ATP4A: variants seen among roughly 807,000 people sequenced by gnomAD.
The protein encoded by ATP4A is potassium-transporting ATPase alpha chain 1.
Under a neutral mutation model 112.1 loss-of-function variants are expected in ATP4A, and 73 were observed. The observed-to-expected ratio is 0.65, with a 90% CI of 0.54 to 0.79. The LOEUF is 0.79. ATP4A is among the 30% of genes least tolerant of loss of function. ATP4A has a pLI of 0.00. For missense variants in ATP4A, 1,081 were observed against 1,425.9 expected (o/e 0.76, Z 3.90); for synonymous variants, 588 against 588.9 (o/e 1.00, Z 0.02).
At position 35,550,840 on chromosome 19, in the gene ATP4A, G is replaced by A; in HGVS notation, c.3073C>T (p.Pro1025Ser). 1 of 1,614,048 alleles carries A rather than the reference G, an allele frequency of 6.2e-7. No individual in the cohort carries two copies. The highest frequency in any genetic ancestry group is 1.1e-5 in the South Asian group (1 of 91,080). The change falls in exon 21 of 22, where the codon CCA (proline) becomes TCA (serine). Residue 1025 changes from proline to serine, a missense_variant. Transcript: ENST00000262623. The surrounding 1 kb of genome is among the most constrained non-coding windows in gnomAD (Gnocchi z 4.1). The stretch of plus-strand genomic sequence containing the variant: ...TCCCAGTCTCCACACTCACTCCCTG[G>A]GCAACAGCGAACTCCAAGCTTCCGG... Reference protein sequence around the residue: ...EIRKLGVRCCPGSWWDQELYY With the variant: ...EIRKLGVRCCSGSWWDQELYY
chr19:35,550,580 G>A lies in ATP4A; in HGVS notation c.*35C>T. 1 of 1,613,160 alleles carries A rather than the reference G, an allele frequency of 6.2e-7. No homozygotes were observed. Among genetic ancestry groups the A allele is most frequent in the Non-Finnish European group, 8.5e-7 (1 of 1,179,210 alleles). On this transcript the variant is annotated 3_prime_UTR_variant, in exon 22 of 22. Transcript: ENST00000262623. The surrounding 1 kb of genome is among the most constrained non-coding windows in gnomAD (Gnocchi z 4.1). ...CACGAGCCCTGCCCCCACCTGCTGTGGCAGTTGCAGGGATGCTTGAAGGCA... is the reference window on the plus strand; with the variant it reads ...CACGAGCCCTGCCCCCACCTGCTGTAGCAGTTGCAGGGATGCTTGAAGGCA...
rs1261102061 is a variant in ATP4A at position 35,555,514 on chromosome 19, T to C, written c.2083A>G (p.Thr695Ala). The stretch of plus-strand genomic sequence containing the variant: ...CGCGCAAACACCATCTCGGGGTGGG[T>C]GCGCAGGGCCTCGACCAGTTCCGAT... ...DPSELVEALR[T>A]HPEMVFARTS... Residue 695 changes from threonine to alanine, a missense_variant, in exon 14 of 22, where the codon ACC becomes GCC. Coordinates refer to ENST00000262623, the MANE Select transcript of ATP4A (RefSeq NM_000704.3). The surrounding 1 kb of genome is among the most constrained non-coding windows in gnomAD (Gnocchi z 6.6). The C allele has an allele frequency of 6.2e-7, 1 of 1,606,832 alleles. No individual in the cohort carries two copies.
Position 35,560,146 on chromosome 19 carries a change from G to A in ATP4A, c.788-73C>T. The A allele has an allele frequency of 1.3e-6, 2 of 1,579,862 alleles. No individual in the cohort carries two copies. Among genetic ancestry groups the A allele is most frequent in the Non-Finnish European group, 1.7e-6 (2 of 1,160,506 alleles). ...GTGTGCACTGCCGTGTGAGCTGAAG[G>A]ACAGCCAGTCACTGCCAGTGGAGGA... On this transcript the variant is annotated intron_variant, in intron 6 of 21. Coordinates refer to ENST00000262623, the MANE Select transcript of ATP4A (RefSeq NM_000704.3). The surrounding 1 kb of genome is among the most constrained non-coding windows in gnomAD (Gnocchi z 5.1).
At chr19:35,562,745 G>T (rs1466007367) in intron 3 of ATP4A, 107 bp from the exon 4 acceptor site, 4 of 1,120,990 alleles carry the variant, frequency 3.6e-6, no homozygotes, top group Middle Eastern at 6.0e-4. Context: ...GGTCTGTCCT[G>T]CTCCTTCTCA....
At chr19:35,556,433 C>T (rs775902631) in intron 12 of ATP4A, among the ~76,000 whole-genome samples, 1 of 152,178 alleles carries the variant, frequency 6.6e-6, no homozygotes, top group Admixed American at 6.5e-5. Flanking sequence ...CACTCCTCTC[C>T]CCTACACCAT....
At chr19:35,554,747 G>C (rs1031170920) in intron 16 of ATP4A, among the ~76,000 whole-genome samples, 175 bp downstream of exon 16, 1 of 151,728 alleles carries the variant, frequency 6.6e-6, no homozygotes, top group Non-Finnish European at 1.5e-5. Flanking sequence ...TGTCCATTTA[G>C]GTCTGTTCAC....
At chr19:35,563,335 G>A in intron 2 of ATP4A, 49 bp downstream of exon 2, 1 of 1,609,034 alleles carries the variant, frequency 6.2e-7, no homozygotes, top group African/African-American at 1.4e-5. Flanking sequence ...CCCACTGCCT[G>A]GTTCCCAGCC....
Position 35,558,805 on chromosome 19 carries a change from C to G in ATP4A, c.1256-119G>C. ...CCCCAGACCTGGGTGGAATTGGGTTCCACCCAACCCTGAGGGACCCAGCCC... is the reference window on the plus strand; with the variant it reads ...CCCCAGACCTGGGTGGAATTGGGTTGCACCCAACCCTGAGGGACCCAGCCC... On this transcript the variant is annotated intron_variant, in intron 8 of 21. Transcript: ENST00000262623. This position sits in a 1 kb window ranked among gnomAD's most constrained non-coding sequence, Gnocchi z 5.1. 2 of 1,281,182 alleles carry G rather than the reference C, an allele frequency of 1.6e-6. No individual in the cohort carries two copies. The highest frequency in any genetic ancestry group is 2.1e-6 in the Non-Finnish European group (2 of 944,620). 79.4% of individuals were successfully genotyped at this position (1,281,182 alleles called of 1,614,324 possible). A position where few individuals can be genotyped will look rare whatever the true frequency, so the allele number is the denominator to read the frequency against.
In ATP4A at chr19:35,559,907, A is replaced by G; in HGVS notation, c.954T>C (p.Phe318=). ...GLAILFGATF[F]IVAMCIGYTF... ...TGTAGCCAATGCACATGGCCACAAT[A>G]AAAAATGTGGCACCGAAGAGAATGG... The change falls in exon 7 of 22, where the codon TTT becomes TTC. Residue 318 remains phenylalanine (F), a synonymous_variant. Coordinates refer to ENST00000262623, the MANE Select transcript of ATP4A (RefSeq NM_000704.3). The surrounding 1 kb of genome is among the most constrained non-coding windows in gnomAD (Gnocchi z 4.1). 6.2e-7 allele frequency: 1 copy of G among 1,614,184 alleles called. No individual in the cohort carries two copies. The highest frequency in any genetic ancestry group is 8.5e-7 in the Non-Finnish European group (1 of 1,180,024).
Position 35,559,724 on chromosome 19 carries a change from G to A in ATP4A, c.1056+81C>T. On this transcript the variant is annotated intron_variant, in intron 7 of 21. Transcript: ENST00000262623. This position sits in a 1 kb window ranked among gnomAD's most constrained non-coding sequence, Gnocchi z 4.1. ...AGTGGACAGATAGACAGGCAGGGAG[G>A]TGATGGGGGAAATGTGGAGGAAAGA... The A allele has an allele frequency of 6.5e-7, 1 of 1,540,940 alleles. No homozygotes were observed. Among genetic ancestry groups the A allele is most frequent in the Non-Finnish European group, 8.8e-7 (1 of 1,139,672 alleles).
chr19:35,558,291 T>C lies in ATP4A; in HGVS notation c.1500+71A>G. On this transcript the variant is annotated intron_variant, in intron 10 of 21. Coordinates refer to ENST00000262623, the MANE Select transcript of ATP4A (RefSeq NM_000704.3). The surrounding 1 kb of genome is among the most constrained non-coding windows in gnomAD (Gnocchi z 5.1). ...AGGAGCGAAGCCCCTCGTGGCCCGCTGATGTGGGTGTGGCCTGGGGCGGGG... is the reference window on the plus strand; with the variant it reads ...AGGAGCGAAGCCCCTCGTGGCCCGCCGATGTGGGTGTGGCCTGGGGCGGGG... 1.3e-6 allele frequency: 2 copies of C among 1,526,146 alleles called. 1 individual carries two copies. Among genetic ancestry groups the C allele is most frequent in the South Asian group, 2.4e-5 (2 of 82,730 alleles). The allele number at this position is 1,526,146 out of a possible 1,614,324, so 94.5% of individuals were successfully genotyped here.
In ATP4A at chr19:35,553,075, G is replaced by A. The variant is rs150321750; in HGVS notation, c.2713C>T (p.His905Tyr). ...TAGCTGTCCTGCAGATCTTGTAGGT[G>A]GTGGTCCTCCCACTGCGCCCGCAGC... ...VGLRAQWEDH[H>Y]LQDLQDSYGQ... The change falls in exon 18 of 22, where the codon CAC becomes TAC. Residue 905 changes from histidine (H) to tyrosine (Y), a missense_variant. Coordinates refer to ENST00000262623, the MANE Select transcript of ATP4A (RefSeq NM_000704.3). 12 of 1,610,606 alleles carry A rather than the reference G, an allele frequency of 7.5e-6. No homozygotes were observed. In the Admixed American group the frequency reaches 2.0e-4, roughly 27 times the overall value.
intron 16 of ATP4A, among the ~76,000 whole-genome samples, chr19:35,554,440 T>C (rs146106478): frequency 1.3e-5 from 2 of 152,254 alleles, no homozygotes; most frequent in Non-Finnish European, 2.9e-5. Context: ...GAAATGATGG[T>C]GTGTCTGGCC....
In ATP4A at chr19:35,557,360, G is replaced by A. The variant is rs1320476443; in HGVS notation, c.1694-272C>T. Reference sequence around the variant, plus strand: ...GTAAAAGGCCCAGAATTGGACCACAGATCTGCTTTCTAGGGTAGAGGCAGC... The same window carrying A: ...GTAAAAGGCCCAGAATTGGACCACAAATCTGCTTTCTAGGGTAGAGGCAGC... On this transcript the variant is annotated intron_variant, in intron 11 of 21. Transcript: ENST00000262623. The surrounding 1 kb of genome is among the most constrained non-coding windows in gnomAD (Gnocchi z 4.4). Among the ~76,000 whole-genome samples, 1 of 152,208 alleles carries A rather than the reference G, an allele frequency of 6.6e-6. No individual in the cohort carries two copies. Among genetic ancestry groups the A allele is most frequent in the Non-Finnish European group, 1.5e-5 (1 of 68,044 alleles).
In ATP4A at chr19:35,559,045, A is replaced by G. The variant is rs1247484824; in HGVS notation, c.1203T>C (p.His401=). Residue 401 remains histidine (H), a synonymous_variant, in exon 8 of 22, where the codon CAT becomes CAC. Coordinates refer to ENST00000262623, the MANE Select transcript of ATP4A (RefSeq NM_000704.3). The surrounding 1 kb of genome is among the most constrained non-coding windows in gnomAD (Gnocchi z 4.1). ...TLTQNRMTVS[H]LWFDNHIHTA... is the part of the protein sequence containing the mutation. ...TGTGGATGTGGTTGTCAAACCACAG[A>G]TGGGACACAGTCATGCGGTTCTGAG... 2 of 1,614,188 alleles carry G rather than the reference A, an allele frequency of 1.2e-6. No homozygotes were observed. Among genetic ancestry groups the G allele is most frequent in the South Asian group, 1.1e-5 (1 of 91,084 alleles).
At chr19:35,562,119 G>A (rs2071674405) in intron 4 of ATP4A, among the ~76,000 whole-genome samples, 1 of 152,034 alleles carries the variant, frequency 6.6e-6, no homozygotes, top group African/African-American at 2.4e-5. Flanking sequence ...GCCTCCCAAA[G>A]TGCTGGGATT....
Position 35,555,864 on chromosome 19 carries a change from C to T in ATP4A, c.1870-52G>A, listed in dbSNP as rs753419217. Reference sequence around the variant, plus strand: ...ACCCCTTCAGATCAGCCCAATCTCCCTGTCCTCCCTGGGAGACATCTGCTG... The same window carrying T: ...ACCCCTTCAGATCAGCCCAATCTCCTTGTCCTCCCTGGGAGACATCTGCTG... On this transcript the variant is annotated intron_variant, in intron 12 of 21. Coordinates refer to ENST00000262623, the MANE Select transcript of ATP4A (RefSeq NM_000704.3). This position sits in a 1 kb window ranked among gnomAD's most constrained non-coding sequence, Gnocchi z 6.6. 5.1e-6 allele frequency: 8 copies of T among 1,554,612 alleles called. No individual in the cohort carries two copies. The highest frequency in any genetic ancestry group is 1.7e-4 in the Middle Eastern group (1 of 5,864).
chr19:35,558,476 T>C lies in ATP4A; in HGVS notation c.1386A>G (p.Ala462=). The C allele has an allele frequency of 1.3e-6, 2 of 1,598,876 alleles. No homozygotes were observed. The highest frequency in any genetic ancestry group is 2.7e-5 in the African/African-American group (2 of 74,892). ...PVPKRIVIGD[A]SETALLKFSE... The stretch of plus-strand genomic sequence containing the variant: ...AGAACTTGAGCAGCGCCGTCTCCGA[T>C]GCGTCTCCAATCACGATGCGCTGGG... Residue 462 remains alanine (A), a synonymous_variant, in exon 10 of 22, where the codon GCA becomes GCG. Transcript: ENST00000262623. The surrounding 1 kb of genome is among the most constrained non-coding windows in gnomAD (Gnocchi z 5.1).
rs746948862 is a variant in ATP4A at position 35,560,066 on chromosome 19, C to T, written c.795G>A (p.Val265=). The change falls in exon 7 of 22, where the codon GTG becomes GTA. Residue 265 remains valine, a synonymous_variant. Coordinates refer to ENST00000262623, the MANE Select transcript of ATP4A (RefSeq NM_000704.3). The surrounding 1 kb of genome is among the most constrained non-coding windows in gnomAD (Gnocchi z 5.1). The part of the protein sequence containing the change: ...FFSTMCLEGT[V]QGLVVNTGDR... The stretch of plus-strand genomic sequence containing the variant: ...CGCCCGTGTTCACCACCAGGCCCTG[C>T]ACGGTGCCTGCAGGGGGGCCAAGGC... The T allele has an allele frequency of 1.7e-5, 27 of 1,613,620 alleles. No individual in the cohort carries two copies. The highest frequency in any genetic ancestry group is 1.1e-5 in the Non-Finnish European group (13 of 1,179,796).
Sources: allele counts gnomAD v4.1 joint callset (sites outside exome capture counted in the v4.1 genomes callset), GRCh38; gene constraint gnomAD v4.1.1; non-coding constraint Gnocchi (gnomAD v3.1); transcripts MANE v1.5; gene names NCBI Gene and HGNC (gene_info 2026-07-23, HGNC 2026-07-21).